The following PPHLN1 variants were observed in gnomAD, a reference collection of about 807,000 sequenced individuals.
The protein encoded by PPHLN1 is periphilin-1.
Under a neutral mutation model 51.3 loss-of-function variants are expected in PPHLN1, and 29 were observed. The ratio of observed to expected loss-of-function variants is 0.57; its 90% confidence interval spans 0.42 to 0.77. The LOEUF is 0.77. Among genes scored for constraint, PPHLN1 ranks in the 30% least tolerant of loss-of-function variants. The pLI, the probability that PPHLN1 is intolerant of heterozygous loss-of-function variation, is 0.00. For synonymous variants in PPHLN1, 147 were observed against 147.8 expected (o/e 0.99, Z 0.04); for missense variants, 436 against 438.4 (o/e 0.99, Z 0.05).
chr12:42,350,004 C>T (rs570597016), intron 2 of PPHLN1, among the ~76,000 whole-genome samples: 180 of 149,650 alleles, frequency 1.2e-3, no homozygotes, highest in South Asian at 2.5e-3. Flanking sequence ...GGCCCTCCCA[C>T]CCCCCAGAGG....
In PPHLN1 at chr12:42,393,587, T is replaced by C. The variant is rs1314390198; in HGVS notation, c.666T>C (p.Ser222=). Residue 222 remains serine (S), a synonymous_variant, in exon 8 of 10, where the codon AGT becomes AGC. Coordinates refer to ENST00000358314, the MANE Select transcript of PPHLN1 (RefSeq NM_201439.2). ...VSSSKVLDKP[S]RLTEKELAEA... ...TTTATTAGGTGTTAGACAAACCCAGTAGGCTAACTGAAAAGGAACTTGCTG... is the reference window on the plus strand; with the variant it reads ...TTTATTAGGTGTTAGACAAACCCAGCAGGCTAACTGAAAAGGAACTTGCTG... 1.9e-6 allele frequency: 3 copies of C among 1,609,062 alleles called. No homozygotes were observed. Among genetic ancestry groups the C allele is most frequent in the Non-Finnish European group, 2.5e-6 (3 of 1,178,416 alleles).
At chr12:42,414,709 T>C (rs2080213837) in intron 9 of PPHLN1, among the ~76,000 whole-genome samples, 1 of 152,158 alleles carries the variant, frequency 6.6e-6, no homozygotes, top group Non-Finnish European at 1.5e-5. Flanking sequence ...AGGTATATAG[T>C]CATCGTTGAC....
chr12:42,368,637 A>G (rs1214504922), intron 4 of PPHLN1, among the ~76,000 whole-genome samples: 2 of 152,182 alleles, frequency 1.3e-5, no homozygotes, highest in African/African-American at 4.8e-5. Context: ...TCTCAAAGTT[A>G]TTTACTCACA....
intron 1 of PPHLN1, among the ~76,000 whole-genome samples, chr12:42,330,937 C>T (rs2069633199): frequency 2.0e-5 from 3 of 152,218 alleles, no homozygotes; most frequent in South Asian, 4.1e-4. Context: ...TCTCAATCTC[C>T]TGACCTTGTG....
intron 2 of PPHLN1, among the ~76,000 whole-genome samples, chr12:42,340,199 A>G (rs2071261381): frequency 6.6e-6 from 1 of 151,484 alleles, no homozygotes; most frequent in Non-Finnish European, 1.5e-5. Context: ...TCCCACCTAC[A>G]TTGGGAAGCT....
intron 2 of PPHLN1, chr12:42,347,036 C>G (rs1288299077): frequency 1.3e-5 from 2 of 152,256 alleles, no homozygotes; most frequent in Non-Finnish European, 1.5e-5. Flanking sequence ...CAGGTGTGAG[C>G]AGCTGCACCC....
intron 4 of PPHLN1, among the ~76,000 whole-genome samples, chr12:42,364,171 C>T (rs1230220579): frequency 6.6e-6 from 1 of 152,090 alleles, no homozygotes; most frequent in Non-Finnish European, 1.5e-5. Context: ...TTGCAGTGAG[C>T]CAAGATTGCA....
chr12:42,356,069 TGATA>T (rs565417520), intron 4 of PPHLN1, among the ~76,000 whole-genome samples: 106 of 152,192 alleles, frequency 7.0e-4, no homozygotes, highest in Non-Finnish European at 9.6e-4. Flanking sequence ...TTAAATTGAT[TGATA>T]GTTTTTGTTT....
At chr12:42,366,226 T>C (rs1202980410) in intron 4 of PPHLN1, among the ~76,000 whole-genome samples, 1 of 103,570 alleles carries the variant, frequency 9.7e-6, no homozygotes, top group Admixed American at 1.1e-4. Flanking sequence ...ACCGGACACT[T>C]TTTTTTTTTT....
At chr12:42,349,389 G>A (rs2072855444) in intron 2 of PPHLN1, among the ~76,000 whole-genome samples, 2 of 85,428 alleles carry the variant, frequency 2.3e-5, no homozygotes, top group Admixed American at 1.2e-4. Flanking sequence ...TTTATATTTT[G>A]TAAGTTTTGT....
At chr12:42,387,619 G>A in intron 7 of PPHLN1, 84 bp downstream of exon 7, 3 of 1,469,834 alleles carry the variant, frequency 2.0e-6, no homozygotes, top group Non-Finnish European at 2.7e-6. Context: ...ATTCTTTACT[G>A]TTATGCCAAG....
intron 2 of PPHLN1, among the ~76,000 whole-genome samples, chr12:42,347,407 A>G (rs1280289608): frequency 6.6e-6 from 1 of 152,268 alleles, no homozygotes; most frequent in Non-Finnish European, 1.5e-5. Context: ...AGATTTGCAT[A>G]AGAATTTCAG....
intron 9 of PPHLN1, among the ~76,000 whole-genome samples, chr12:42,418,211 C>CTTTTTTTTTTTT (rs60029170): frequency 1.4e-4 from 14 of 98,354 alleles, no homozygotes; most frequent in African/African-American, 5.9e-4. Flanking sequence ...TCCCGGCCCT[C>CTTTTTTTTTTTT]TTTTTTTTTT....
chr12:42,352,556 C>T (rs775683817), intron 3 of PPHLN1, among the ~76,000 whole-genome samples: 3 of 151,486 alleles, frequency 2.0e-5, no homozygotes, highest in African/African-American at 4.8e-5. Context: ...ATTACAGGCA[C>T]GTGCCACCGT....
chr12:42,445,114 A>G, downstream of PPHLN1: 1 of 702,340 alleles, frequency 1.4e-6, no homozygotes, highest in Non-Finnish European at 2.6e-6. Flanking sequence ...CTTTGACTTC[A>G]GTAATTGCTA....
At chr12:42,376,591 A>G (rs2076283913) in intron 5 of PPHLN1, among the ~76,000 whole-genome samples, 1 of 152,174 alleles carries the variant, frequency 6.6e-6, no homozygotes, top group Non-Finnish European at 1.5e-5. Flanking sequence ...GTTTGAGACC[A>G]GCCTGGGCAA....
At chr12:42,396,816 G>A (rs2078264396) in intron 8 of PPHLN1, among the ~76,000 whole-genome samples, 1 of 150,024 alleles carries the variant, frequency 6.7e-6, no homozygotes, top group South Asian at 2.1e-4. Context: ...GGGACAGCGG[G>A]GCAGGTATGC....
chr12:42,383,084 A>G (rs145041800), intron 5 of PPHLN1, among the ~76,000 whole-genome samples: 2 of 152,234 alleles, frequency 1.3e-5, no homozygotes, highest in South Asian at 4.1e-4. Flanking sequence ...AGATTGTTAA[A>G]TAGTCCAAGC....
chr12:42,332,634 T>A, intron 1 of PPHLN1: 1 of 1,535,872 alleles, frequency 6.5e-7, no homozygotes, highest in South Asian at 1.1e-5. Flanking sequence ...CACAAATCTT[T>A]ACGTCTGTAT....
Sources: allele counts gnomAD v4.1 joint callset (sites outside exome capture counted in the v4.1 genomes callset), GRCh38; gene constraint gnomAD v4.1.1; transcripts MANE v1.5; gene names NCBI Gene and HGNC (gene_info 2026-07-23, HGNC 2026-07-21).